The following TUB variants were observed in gnomAD, a reference collection of about 807,000 sequenced individuals.
TUB encodes the protein TUB bipartite transcription factor.
Under a neutral mutation model 59.7 loss-of-function variants are expected in TUB, and 33 were observed. That is an observed-to-expected ratio of 0.55 (90% CI 0.42 to 0.74). TUB has a LOEUF of 0.74. TUB is among the 30% of genes least tolerant of loss of function. The pLI, the probability that TUB is intolerant of heterozygous loss-of-function variation, is 0.00. For synonymous variants in TUB, 293 were observed against 256.4 expected (o/e 1.14, Z -1.36); for missense variants, 659 against 672.0 (o/e 0.98, Z 0.21).
rs1219902012 is a variant in TUB at position 8,097,775 on chromosome 11, T to C, written c.947T>C (p.Val316Ala). The C allele has an allele frequency of 3.1e-6, 5 of 1,614,042 alleles. No individual in the cohort carries two copies. Among genetic ancestry groups the C allele is most frequent in the Non-Finnish European group, 4.2e-6 (5 of 1,179,986 alleles). Residue 316 changes from valine to alanine, a missense_variant, in exon 8 of 12, where the codon GTG becomes GCG. Around this residue, in one of 3 missense-constraint regions of TUB, gnomAD observed 112 missense variants for 156.9 expected, o/e 0.71. Coordinates refer to ENST00000299506, the MANE Select transcript of TUB (RefSeq NM_177972.3). ...KSKTSNYLIS[V>A]DPTDLSRGGD... The stretch of plus-strand genomic sequence containing the variant: ...AAAACTTCCAATTACCTCATCTCTG[T>C]GGACCCAACAGACTTGTCTCGAGGA...
In TUB at chr11:8,096,765, A is replaced by G. The variant is rs1303411653; in HGVS notation, c.646A>G (p.Asn216Asp). Residue 216 changes from asparagine (N) to aspartate (D), a missense_variant, in exon 6 of 12, where the codon AAC becomes GAC. Asn to Asp is a conservative substitution (Grantham distance 23). Transcript: ENST00000299506. ...CTCCAGCTCCTCCCAGCTAAATAGT[A>G]ACACCCGCCCCAGCTCTGCTACTAG... ...NSSSSSQLNS[N>D]TRPSSATSRK... 1 of 1,614,006 alleles carries G rather than the reference A, an allele frequency of 6.2e-7. No homozygotes were observed. The highest frequency in any genetic ancestry group is 1.3e-5 in the African/African-American group (1 of 74,922).
chr11:8,028,426 C>G (rs954262111), intron 1 of TUB, among the ~76,000 whole-genome samples: 3 of 152,146 alleles, frequency 2.0e-5, no homozygotes, highest in Non-Finnish European at 4.4e-5. Flanking sequence ...GAAGCACAAG[C>G]TTTAATTTTG....
intron 11 of TUB, among the ~76,000 whole-genome samples, 200 bp from the exon 12 acceptor site, chr11:8,101,282 TCTTA>T (rs1228519113): frequency 2.0e-5 from 3 of 152,192 alleles, no homozygotes; most frequent in African/African-American, 7.2e-5. Flanking sequence ...TTCACATGCA[TCTTA>T]CTTTGTCCTT....
At chr11:8,053,450 A>C (rs538925978) in intron 2 of TUB, among the ~76,000 whole-genome samples, 13 of 152,028 alleles carry the variant, frequency 8.6e-5, no homozygotes, top group Non-Finnish European at 1.5e-4. Context: ...TTGCTGAGTG[A>C]TTCCTCTAAC....
chr11:8,097,484 GC>G (rs1944051208), intron 7 of TUB, 59 bp downstream of exon 7: 1 of 1,606,738 alleles, frequency 6.2e-7, no homozygotes, highest in African/African-American at 1.3e-5. Flanking sequence ...AATCCTAGGG[GC>G]TGAAATGTGA....
intron 1 of TUB, chr11:8,039,116 C>A: frequency 2.7e-6 from 4 of 1,494,598 alleles, no homozygotes; most frequent in Non-Finnish European, 3.6e-6. Context: ...CAACCCTTTA[C>A]AGTCCCAAGG....
chr11:8,082,902 A>G (rs1027555554), intron 1 of TUB, among the ~76,000 whole-genome samples: 2 of 151,934 alleles, frequency 1.3e-5, no homozygotes, highest in Admixed American at 1.3e-4. Flanking sequence ...CACCAGCAAC[A>G]CCCTCACACG....
In TUB at chr11:8,105,521, A is replaced by G. The variant is rs953353270; in HGVS notation, c.*3902A>G. ...TTTTTAAATTTTCCAACCAAGTGGA[A>G]AGGCAAGTTGGTCTTATAGAAAGCA... On this transcript the variant is annotated 3_prime_UTR_variant, in exon 12 of 12. Transcript: ENST00000299506. 4 of 152,196 alleles carry G rather than the reference A, an allele frequency of 2.6e-5. No homozygotes were observed. Among genetic ancestry groups the G allele is most frequent in the African/African-American group, 7.2e-5 (3 of 41,438 alleles). 9.4% of individuals were successfully genotyped at this position (152,196 alleles called of 1,614,324 possible).
upstream of TUB, among the ~76,000 whole-genome samples, chr11:8,033,947 C>T (rs1476071000): frequency 1.3e-5 from 2 of 152,238 alleles, no homozygotes; most frequent in South Asian, 2.1e-4. Flanking sequence ...CTGAAACGCA[C>T]CGCAGGGATA....
At chr11:8,034,223 C>A (rs1285998233), upstream of TUB, among the ~76,000 whole-genome samples, 2 of 152,204 alleles carry the variant, frequency 1.3e-5, no homozygotes, top group African/African-American at 4.8e-5. Context: ...CCCCTAAGCA[C>A]CTGCTCTGAC....
chr11:8,039,723 C>G, intron 2 of TUB: 1 of 1,489,736 alleles, frequency 6.7e-7, no homozygotes, highest in Non-Finnish European at 9.0e-7. Context: ...GCGTGCCGGC[C>G]CTGGGAAAGG....
chr11:8,030,871 C>T (rs1942561416), intron 1 of TUB, among the ~76,000 whole-genome samples: 1 of 152,140 alleles, frequency 6.6e-6, no homozygotes, highest in Non-Finnish European at 1.5e-5. Context: ...GCCTCCATGC[C>T]CCCTTAGACA....
At chr11:8,087,810 C>T (rs953819217) in intron 1 of TUB, among the ~76,000 whole-genome samples, 2 of 152,244 alleles carry the variant, frequency 1.3e-5, no homozygotes, top group African/African-American at 4.8e-5. Flanking sequence ...GCAGGGCCCT[C>T]AGGCATTTTG....
intron 1 of TUB, among the ~76,000 whole-genome samples, chr11:8,032,712 T>C (rs1468075593): frequency 1.3e-5 from 2 of 152,172 alleles, no homozygotes; most frequent in Non-Finnish European, 1.5e-5. Flanking sequence ...CGCCAGGCTC[T>C]CCACACCTGG....
At chr11:8,033,905 G>A (rs1265784134), upstream of TUB, among the ~76,000 whole-genome samples, 1 of 152,244 alleles carries the variant, frequency 6.6e-6, no homozygotes, top group African/African-American at 2.4e-5. Flanking sequence ...GGTTCTGGCT[G>A]TTGCCAGCAT....
intron 1 of TUB, among the ~76,000 whole-genome samples, chr11:8,026,380 A>T (rs185039161): frequency 6.6e-6 from 1 of 151,964 alleles, no homozygotes; most frequent in East Asian, 1.9e-4. Flanking sequence ...TTGCGGTGAC[A>T]AAGGTTTTTC....
Position 8,081,560 on chromosome 11 carries a change from C to A in TUB, c.38+12C>A, listed in dbSNP as rs1392097562. The A allele has an allele frequency of 2.6e-6, 4 of 1,534,544 alleles. No homozygotes were observed. The South Asian group carries it at 4.8e-5, about 18-fold the overall frequency. On this transcript the variant is annotated intron_variant, in intron 1 of 11. Transcript: ENST00000299506. ...TGGATTCCCTACAGGTACGCGGGCG[C>A]CGGGCCGGGGCGCCCACCACTCCCG...
chr11:8,019,495 C>T (rs1451568237), intron 1 of TUB: 1 of 827,944 alleles, frequency 1.2e-6, no homozygotes, highest in Non-Finnish European at 1.6e-6. Flanking sequence ...GACCCTCGGG[C>T]ATCCGGGACC....
At position 8,104,554 on chromosome 11, in the gene TUB, G is replaced by C. The variant is rs964587298; in HGVS notation, c.*2935G>C. 6.6e-6 allele frequency: 1 copy of C among 152,218 alleles called. No homozygotes were observed. Among genetic ancestry groups the C allele is most frequent in the Non-Finnish European group, 1.5e-5 (1 of 68,030 alleles). The allele number at this position is 152,218 out of a possible 1,614,324, so 9.4% of individuals were successfully genotyped here. A position where few individuals can be genotyped will look rare whatever the true frequency, so the allele number is the denominator to read the frequency against. ...AGGAAAGGAATAAGGATGTTGTTAT[G>C]ATCGCCTGTGGATTTTGTCCATTCA... On this transcript the variant is annotated 3_prime_UTR_variant, in exon 12 of 12. Coordinates refer to ENST00000299506, the MANE Select transcript of TUB (RefSeq NM_177972.3).
Sources: allele counts gnomAD v4.1 joint callset (sites outside exome capture counted in the v4.1 genomes callset), GRCh38; gene constraint gnomAD v4.1.1; regional missense constraint gnomAD v4.1.1; transcripts MANE v1.5; gene names NCBI Gene and HGNC (gene_info 2026-07-23, HGNC 2026-07-21).